Variants in GNG11 observed in about 807,000 individuals in gnomAD.
GNG11 encodes guanine nucleotide-binding protein G(I)/G(S)/G(O) subunit gamma-11.
Under a neutral mutation model 7.4 loss-of-function variants are expected in GNG11, and 6 were observed. The ratio of observed to expected loss-of-function variants is 0.81; its 90% confidence interval spans 0.44 to 1.60. The LOEUF (loss-of-function observed/expected upper bound fraction) is 1.60, where lower values mean the gene tolerates loss of function less well. Ranked by LOEUF, GNG11 falls within the 40% of genes most tolerant of loss-of-function variation. The pLI, the probability that GNG11 is intolerant of heterozygous loss-of-function variation, is 0.01. For synonymous variants in GNG11, 31 were observed against 25.9 expected (o/e 1.20, Z -0.60); for missense variants, 65 against 83.0 (o/e 0.78, Z 0.84).
In GNG11 at chr7:93,922,231, C is replaced by G. The variant is rs1794623766; in HGVS notation, c.94C>G (p.Gln32Glu). Residue 32 changes from glutamine to glutamate, a missense_variant and splice_region_variant, in exon 1 of 2, where the codon CAA becomes GAA. Physicochemically the swap from Gln to Glu is conservative, Grantham distance 29. Transcript: ENST00000248564. ...LRKEVKLQRQ[Q>E]VSKCSEEIKN... ...CAAAGAAGTGAAGTTGCAGAGACAACAAGTAAGTTGGCTGTTCCGGAATAT... is the reference window on the plus strand; with the variant it reads ...CAAAGAAGTGAAGTTGCAGAGACAAGAAGTAAGTTGGCTGTTCCGGAATAT... The G allele has an allele frequency of 6.4e-7, 1 of 1,555,048 alleles. No homozygotes were observed. Among genetic ancestry groups the G allele is most frequent in the Non-Finnish European group, 8.8e-7 (1 of 1,135,316 alleles).
intron 1 of GNG11, among the ~76,000 whole-genome samples, chr7:93,925,571 G>A (rs892720502): frequency 1.2e-4 from 18 of 152,120 alleles, no homozygotes; most frequent in African/African-American, 4.1e-4. Context: ...ATCATTTCGT[G>A]AAATTTCAGA....
At position 93,926,172 on chromosome 7, in the gene GNG11, G is replaced by A; in HGVS notation, c.178G>A (p.Asp60Asn). ...EDPLVKGIPE[D>N]KNPFKEKGSC... ...TCCTCTAGTAAAGGGAATTCCAGAA[G>A]ACAAGAACCCCTTTAAAGAAAAAGG... The change falls in exon 2 of 2, where the codon GAC (aspartate) becomes AAC (asparagine). Residue 60 changes from aspartate (D) to asparagine (N), a missense_variant. Physicochemically the swap from Asp to Asn is conservative, Grantham distance 23. Transcript: ENST00000248564. 2.5e-6 allele frequency: 4 copies of A among 1,594,550 alleles called. No homozygotes were observed. The highest frequency in any genetic ancestry group is 3.4e-6 in the Non-Finnish European group (4 of 1,169,418).
rs1794695263 is a variant in GNG11, at chr7:93,927,587, C to G, written c.*1371C>G. ...TTGACTAGCTCTTTTCTCCCACTTA[C>G]ACATGTAGGTATACCTTACTATCAA... On this transcript the variant is annotated 3_prime_UTR_variant, in exon 2 of 2. Transcript: ENST00000248564. 1 of 152,186 alleles carries G rather than the reference C, an allele frequency of 6.6e-6. No individual in the cohort carries two copies. Among genetic ancestry groups the G allele is most frequent in the Admixed American group, 6.6e-5 (1 of 15,264 alleles). 9.4% of individuals were successfully genotyped at this position (152,186 alleles called of 1,614,324 possible). A position where few individuals can be genotyped will look rare whatever the true frequency, so the allele number is the denominator to read the frequency against.
At chr7:93,923,700 C>T (rs912162823) in intron 1 of GNG11, among the ~76,000 whole-genome samples, 1 of 148,508 alleles carries the variant, frequency 6.7e-6, no homozygotes, top group African/African-American at 2.4e-5. Context: ...CTTCTACTTA[C>T]TCAGAGTTTT....
At chr7:93,924,364 G>C (rs1794649447) in intron 1 of GNG11, among the ~76,000 whole-genome samples, 1 of 152,226 alleles carries the variant, frequency 6.6e-6, no homozygotes, top group South Asian at 2.1e-4. Flanking sequence ...TAGGGAGCAT[G>C]TATCTTGCTG....
rs772219889 is a variant in GNG11 at position 93,927,566 on chromosome 7, C to T, written c.*1350C>T. The T allele has an allele frequency of 2.6e-5, 4 of 152,200 alleles. No individual in the cohort carries two copies. Among genetic ancestry groups the T allele is most frequent in the Non-Finnish European group, 4.4e-5 (3 of 68,072 alleles). 9.4% of individuals were successfully genotyped at this position (152,200 alleles called of 1,614,324 possible). A position where few individuals can be genotyped will look rare whatever the true frequency, so the allele number is the denominator to read the frequency against. On this transcript the variant is annotated 3_prime_UTR_variant, in exon 2 of 2. Coordinates refer to ENST00000248564, the MANE Select transcript of GNG11 (RefSeq NM_004126.4). ...ACCAGAAGCCAATGTTTCTCCTTGA[C>T]TAGCTCTTTTCTCCCACTTACACAT...
At chr7:93,925,654 C>T (rs1378246675) in intron 1 of GNG11, among the ~76,000 whole-genome samples, 4 of 152,158 alleles carry the variant, frequency 2.6e-5, no homozygotes. Flanking sequence ...TCTACTACTG[C>T]ACCTGCTCAC....
rs1227376744 is a variant in GNG11, at chr7:93,927,399, G to C, written c.*1183G>C. On this transcript the variant is annotated 3_prime_UTR_variant, in exon 2 of 2. Transcript: ENST00000248564. ...AAGGGACCTTTCTTTCTCACCTTGA[G>C]CATTCTCCCGCTTCTTCTCCGTCTT... 1 of 152,170 alleles carries C rather than the reference G, an allele frequency of 6.6e-6. No homozygotes were observed. Among genetic ancestry groups the C allele is most frequent in the African/African-American group, 2.4e-5 (1 of 41,452 alleles). The allele number at this position is 152,170 out of a possible 1,614,324, so 9.4% of individuals were successfully genotyped here.
In GNG11 at chr7:93,922,228, C is replaced by A. The variant is rs1478074564; in HGVS notation, c.91C>A (p.Gln31Lys). The change falls in exon 1 of 2, where the codon CAA becomes AAA. Residue 31 changes from glutamine (Q) to lysine (K), a missense_variant. Gln to Lys is a moderately conservative substitution (Grantham distance 53). Transcript: ENST00000248564. ...QLRKEVKLQR[Q>K]QVSKCSEEIK... The stretch of plus-strand genomic sequence containing the variant: ...TCGCAAAGAAGTGAAGTTGCAGAGA[C>A]AACAAGTAAGTTGGCTGTTCCGGAA... 2 of 1,565,568 alleles carry A rather than the reference C, an allele frequency of 1.3e-6. No homozygotes were observed. Among genetic ancestry groups the A allele is most frequent in the South Asian group, 1.2e-5 (1 of 86,224 alleles).
chr7:93,921,885 G>A lies in GNG11; in HGVS notation c.-253G>A. ...TTAACCCTCATCTAGCACCCGGGCA[G>A]GCCTCCTGGGTTGCAGGGACTTGAG... is the stretch of plus-strand genomic sequence containing the variant. On this transcript the variant is annotated 5_prime_UTR_variant, in exon 1 of 2. Transcript: ENST00000248564. 1 of 342,978 alleles carries A rather than the reference G, an allele frequency of 2.9e-6. No individual in the cohort carries two copies. Among genetic ancestry groups the A allele is most frequent in the Non-Finnish European group, 5.3e-6 (1 of 189,224 alleles). The allele number at this position is 342,978 out of a possible 1,614,324, so 21.2% of individuals were successfully genotyped here. A position where few individuals can be genotyped will look rare whatever the true frequency, so the allele number is the denominator to read the frequency against.
intron 1 of GNG11, among the ~76,000 whole-genome samples, chr7:93,924,654 A>G (rs1794651848): frequency 6.6e-6 from 1 of 152,182 alleles, no homozygotes; most frequent in African/African-American, 2.4e-5. Context: ...TTAGTTTTAA[A>G]CCTCACCCAT....
intron 1 of GNG11, 65 bp downstream of exon 1, chr7:93,922,298 A>G (rs1794625392): frequency 3.4e-5 from 31 of 916,244 alleles, no homozygotes; most frequent in Non-Finnish European, 5.1e-5. Context: ...TTTCCTGCTT[A>G]GTAACAGTAA....
Position 93,926,327 on chromosome 7 carries a change from T to A in GNG11, c.*111T>A. The A allele has an allele frequency of 2.5e-6, 2 of 801,794 alleles. No individual in the cohort carries two copies. The highest frequency in any genetic ancestry group is 3.9e-6 in the Non-Finnish European group (2 of 508,220). The allele number at this position is 801,794 out of a possible 1,614,324, so 49.7% of individuals were successfully genotyped here. On this transcript the variant is annotated 3_prime_UTR_variant, in exon 2 of 2. Transcript: ENST00000248564. The stretch of plus-strand genomic sequence containing the variant: ...GAAGAATGAAATTAAAAGGAGACTT[T>A]CTTAAGCACCATATAGATAGGGTTA...
chr7:93,922,999 A>G (rs1040407042), intron 1 of GNG11, among the ~76,000 whole-genome samples: 4 of 152,156 alleles, frequency 2.6e-5, no homozygotes, highest in African/African-American at 9.7e-5. Context: ...TCAATTTCTT[A>G]CTGGTCATCA....
chr7:93,924,167 C>T (rs754959414), intron 1 of GNG11, among the ~76,000 whole-genome samples: 4 of 152,192 alleles, frequency 2.6e-5, no homozygotes, highest in East Asian at 1.9e-4. Flanking sequence ...ATCTGGGCTA[C>T]GTGTTCAGTC....
intron 1 of GNG11, among the ~76,000 whole-genome samples, chr7:93,925,885 T>A (rs565896076): frequency 6.6e-6 from 1 of 151,916 alleles, no homozygotes; most frequent in South Asian, 2.1e-4. Context: ...GGTATAGTAA[T>A]AGAATAAAAA....
intron 1 of GNG11, among the ~76,000 whole-genome samples, chr7:93,923,208 A>G (rs977417770): frequency 1.3e-5 from 2 of 152,244 alleles, no homozygotes; most frequent in African/African-American, 4.8e-5. Context: ...AAGCGTTATA[A>G]TATGCTCACT....
rs1464443498 is a variant in GNG11, at chr7:93,928,493, A to G, written c.*2277A>G. 1 of 152,254 alleles carries G rather than the reference A, an allele frequency of 6.6e-6. No homozygotes were observed. The highest frequency in any genetic ancestry group is 1.9e-4 in the East Asian group (1 of 5,206). The allele number at this position is 152,254 out of a possible 1,614,324, so 9.4% of individuals were successfully genotyped here. A position where few individuals can be genotyped will look rare whatever the true frequency, so the allele number is the denominator to read the frequency against. On this transcript the variant is annotated 3_prime_UTR_variant, in exon 2 of 2. Coordinates refer to ENST00000248564, the MANE Select transcript of GNG11 (RefSeq NM_004126.4). Reference sequence around the variant, plus strand: ...TCCACTATATATTTAGATATATTGTAAATGTAACCTTTGGTGACTGATAAT... The same window carrying G: ...TCCACTATATATTTAGATATATTGTGAATGTAACCTTTGGTGACTGATAAT...
In GNG11 at chr7:93,928,346, T is replaced by A. The variant is rs1272221766; in HGVS notation, c.*2130T>A. 6.6e-6 allele frequency: 1 copy of A among 152,206 alleles called. No individual in the cohort carries two copies. The highest frequency in any genetic ancestry group is 1.5e-5 in the Non-Finnish European group (1 of 68,036). The allele number at this position is 152,206 out of a possible 1,614,324, so 9.4% of individuals were successfully genotyped here. A position where few individuals can be genotyped will look rare whatever the true frequency, so the allele number is the denominator to read the frequency against. ...TGCTTCTATTAAATATAATTCTGTT[T>A]CTTTTTCTTACCATTTATCATTATA... On this transcript the variant is annotated 3_prime_UTR_variant, in exon 2 of 2. Transcript: ENST00000248564.
Sources: allele counts gnomAD v4.1 joint callset (sites outside exome capture counted in the v4.1 genomes callset), GRCh38; gene constraint gnomAD v4.1.1; transcripts MANE v1.5; gene names NCBI Gene and HGNC (gene_info 2026-07-23, HGNC 2026-07-21).